The following ACAD10 variants were observed in gnomAD, a reference collection of about 807,000 sequenced individuals.
The protein encoded by ACAD10 is acyl-CoA dehydrogenase family member 10, also known as ACAD-10.
A neutral mutation model predicts 116.8 loss-of-function variants in ACAD10; 112 were observed. The ratio of observed to expected loss-of-function variants is 0.96; its 90% confidence interval spans 0.82 to 1.12. ACAD10 has a LOEUF of 1.12. Among genes scored for constraint, ACAD10 ranks in the 50% most tolerant of loss-of-function variants. The probability of loss-of-function intolerance (pLI) is 0.00; values close to 1 mark genes in which losing one functional copy is unlikely to be tolerated. For missense variants in ACAD10, 1,259 were observed against 1,350.2 expected, an observed-to-expected ratio of 0.93 and a Z score of 1.06; for synonymous variants, 486 against 510.6, an observed-to-expected ratio of 0.95 and a Z score of 0.65.
In ACAD10 at chr12:111,728,073, G is replaced by C; in HGVS notation, c.1173G>C (p.Met391Ile). The C allele has an allele frequency of 6.2e-7, 1 of 1,614,132 alleles. No homozygotes were observed. Among genetic ancestry groups the C allele is most frequent in the Non-Finnish European group, 8.5e-7 (1 of 1,180,016 alleles). The change falls in exon 9 of 21, where the codon ATG becomes ATC. Residue 391 changes from methionine (M) to isoleucine (I), a missense_variant. Met to Ile is a conservative substitution (Grantham distance 10). Transcript: ENST00000313698. The stretch of plus-strand genomic sequence containing the variant: ...ACAGACGAGCCATATACACTGCCAT[G>C]AACACAGTCCTGTGCAAAATTCACA... ...PSHRRAIYTAMNTVLCKIHSV... is the reference protein window; with the variant it reads ...PSHRRAIYTAINTVLCKIHSV...
intron 7 of ACAD10, among the ~76,000 whole-genome samples, chr12:111,718,549 G>A (rs1304415294): frequency 2.6e-5 from 4 of 151,780 alleles, no homozygotes; most frequent in Admixed American, 1.3e-4. Flanking sequence ...GCGCAATCTC[G>A]GCTCACTGCA....
At chr12:111,687,867 CT>C (rs766910800) in intron 1 of ACAD10, among the ~76,000 whole-genome samples, 291 of 144,148 alleles carry the variant, frequency 2.0e-3, no homozygotes, top group Middle Eastern at 3.6e-3. Context: ...CCAAACAAAC[CT>C]TTTTTTTTTT....
At chr12:111,750,003 G>A (rs1399510118) in intron 18 of ACAD10, among the ~76,000 whole-genome samples, 1 of 151,472 alleles carries the variant, frequency 6.6e-6, no homozygotes, top group Non-Finnish European at 1.5e-5. Context: ...TCGATCCCTT[G>A]ACCTCGTGAT....
At chr12:111,747,617 G>T in intron 16 of ACAD10, 1 of 1,352,206 alleles carries the variant, frequency 7.4e-7, no homozygotes, top group Non-Finnish European at 9.6e-7. Context: ...GCCCACACAT[G>T]GACGGATGCC....
chr12:111,743,497 T>C (rs1170841050), intron 12 of ACAD10, among the ~76,000 whole-genome samples: 1 of 151,680 alleles, frequency 6.6e-6, no homozygotes, highest in African/African-American at 2.4e-5. Flanking sequence ...CCACCATGCC[T>C]GGCTAATTTT....
rs149114814 is a variant in ACAD10, at chr12:111,757,002, A to G, written c.*529A>G. ...ATTGTAAAGCCACTGGCATCTGATT[A>G]TCTCCATTTGAACACACAGCACAGA... is the stretch of plus-strand genomic sequence containing the variant. On this transcript the variant is annotated 3_prime_UTR_variant, in exon 21 of 21. Coordinates refer to ENST00000313698, the MANE Select transcript of ACAD10 (RefSeq NM_025247.6). The G allele has an allele frequency of 3.3e-4, 137 of 415,268 alleles. No individual in the cohort carries two copies. The East Asian group carries it at 7.2e-3, about 22-fold the overall frequency. 25.7% of individuals were successfully genotyped at this position (415,268 alleles called of 1,614,324 possible).
intron 11 of ACAD10, 146 bp downstream of exon 11, chr12:111,734,214 A>G (rs1004716358): frequency 1.7e-6 from 2 of 1,152,036 alleles, no homozygotes; most frequent in East Asian, 2.5e-5. Flanking sequence ...ACTAGAATGC[A>G]GTCCTGTCAC....
chr12:111,697,995 C>T (rs1336314892), intron 2 of ACAD10, among the ~76,000 whole-genome samples: 7 of 127,306 alleles, frequency 5.5e-5, no homozygotes, highest in East Asian at 4.6e-4. Context: ...ACTGAGGTTG[C>T]GCCCTTTTTT....
At chr12:111,732,976 C>G (rs923024424) in intron 10 of ACAD10, among the ~76,000 whole-genome samples, 1 of 152,184 alleles carries the variant, frequency 6.6e-6, no homozygotes, top group Non-Finnish European at 1.5e-5. Flanking sequence ...TGAAGACTTG[C>G]TAGCATGCTG....
At chr12:111,723,524 A>C (rs1889105347) in intron 8 of ACAD10, among the ~76,000 whole-genome samples, 2 of 108,304 alleles carry the variant, frequency 1.8e-5, no homozygotes, top group Non-Finnish European at 1.9e-5. Context: ...GGGGCTCCTC[A>C]CTTCCCAGTA....
At position 111,749,316 on chromosome 12, in the gene ACAD10, GAGAGGGCCCTGGCACTC is replaced by G. The variant is rs753706040; in HGVS notation, c.2790_2806del (p.Glu930AspfsTer33). 9.2e-5 allele frequency: 149 copies of G among 1,613,842 alleles called. 1 individual carries two copies. The Admixed American group carries it at 2.5e-3, about 27-fold the overall frequency. On this transcript the variant is annotated frameshift_variant, in exon 18 of 21. Coordinates refer to ENST00000313698, the MANE Select transcript of ACAD10 (RefSeq NM_025247.6). LOFTEE classifies it high-confidence loss of function. Reference sequence around the variant, plus strand: ...CTGCATGAGGCTGATCGGGTTCTCAGAGAGGGCCCTGGCACTCATGAAGGCCCGCGTGAGTGCTTTCC... The same window carrying G: ...CTGCATGAGGCTGATCGGGTTCTCAGATGAAGGCCCGCGTGAGTGCTTTCC...
rs1889468267 is a variant in ACAD10 at position 111,733,732 on chromosome 12, T to C, written c.1395-191T>C. 30 of 616,104 alleles carry C rather than the reference T, an allele frequency of 4.9e-5. No homozygotes were observed. In the East Asian group the frequency reaches 7.4e-4, roughly 15 times the overall value. 38.2% of individuals were successfully genotyped at this position (616,104 alleles called of 1,614,324 possible). The stretch of plus-strand genomic sequence containing the variant: ...GCCCTTTCCCATCTCCTGCTTTTGA[T>C]TGGCTGAGTCCAGCTGGAAGCCAGA... On this transcript the variant is annotated intron_variant, in intron 10 of 20. Coordinates refer to ENST00000313698, the MANE Select transcript of ACAD10 (RefSeq NM_025247.6).
intron 4 of ACAD10, among the ~76,000 whole-genome samples, chr12:111,708,359 C>T (rs537945501): frequency 6.6e-6 from 1 of 152,292 alleles, no homozygotes; most frequent in East Asian, 1.9e-4. Context: ...GCTCTTGTCT[C>T]AGCCAGTACA....
At chr12:111,737,916 G>A (rs1270747404) in intron 12 of ACAD10, among the ~76,000 whole-genome samples, 2 of 151,860 alleles carry the variant, frequency 1.3e-5, no homozygotes, top group African/African-American at 4.8e-5. Flanking sequence ...GCAGTGGTGC[G>A]ATCTTGGTTC....
At chr12:111,731,970 A>G (rs1889397807) in intron 10 of ACAD10, among the ~76,000 whole-genome samples, 1 of 152,042 alleles carries the variant, frequency 6.6e-6, no homozygotes, top group Non-Finnish European at 1.5e-5. Context: ...AATCCCAGCT[A>G]CTCGGGAGGG....
intron 8 of ACAD10, among the ~76,000 whole-genome samples, chr12:111,725,681 T>C (rs915963811): frequency 2.6e-5 from 4 of 152,042 alleles, no homozygotes; most frequent in African/African-American, 4.8e-5. Context: ...ATTATAGGCA[T>C]GTGCCACCAC....
At chr12:111,692,340 C>T (rs1888072778) in intron 1 of ACAD10, among the ~76,000 whole-genome samples, 2 of 152,118 alleles carry the variant, frequency 1.3e-5, no homozygotes, top group South Asian at 4.1e-4. Context: ...TGAGAAGAGG[C>T]AAGGGGGCCA....
intron 12 of ACAD10, among the ~76,000 whole-genome samples, chr12:111,737,846 G>A (rs1041419486): frequency 6.6e-6 from 1 of 151,318 alleles, no homozygotes; most frequent in East Asian, 1.9e-4. Context: ...TTCTTGGTGT[G>A]TGTGTGTGTG....
chr12:111,741,421 G>C (rs1889737841), intron 12 of ACAD10, among the ~76,000 whole-genome samples: 2 of 152,114 alleles, frequency 1.3e-5, no homozygotes, highest in Non-Finnish European at 2.9e-5. Context: ...CCATTTTAGA[G>C]TCTCCACACT....
Sources: gnomAD v4.1 joint callset for allele counts (sites outside exome capture counted in the v4.1 genomes callset) on GRCh38, gnomAD v4.1.1 for gene constraint, MANE v1.5 for transcripts, NCBI Gene and HGNC (gene_info 2026-07-23, HGNC 2026-07-21) for gene names.